TRPV3: variants seen among roughly 807,000 people sequenced by gnomAD.
The protein encoded by TRPV3 is transient receptor potential cation channel subfamily V member 3.
In TRPV3, 88 loss-of-function variants were observed where a neutral mutation model predicts 87.1. The ratio of observed to expected loss-of-function variants is 1.01; its 90% CI spans 0.85 to 1.21. The LOEUF is 1.21. Ranked by LOEUF, TRPV3 falls within the 50% of genes most tolerant of loss-of-function variation. The probability of loss-of-function intolerance (pLI) is 0.00; values close to 1 mark genes in which losing one functional copy is unlikely to be tolerated. For synonymous variants in TRPV3, 438 were observed against 423.3 expected (o/e 1.03, Z -0.43); for missense variants, 1,054 against 1,030.1 (o/e 1.02, Z -0.32).
chr17:3,531,656 C>A (rs1306758862), intron 8 of TRPV3, among the ~76,000 whole-genome samples: 1 of 152,208 alleles, frequency 6.6e-6, no homozygotes. Flanking sequence ...CAGTGGCACA[C>A]AGGGAAGACG....
At chr17:3,542,827 A>T (rs1315919342) in intron 5 of TRPV3, 129 bp from the exon 6 acceptor site, 1 of 946,460 alleles carries the variant, frequency 1.1e-6, no homozygotes, top group African/African-American at 1.7e-5. Flanking sequence ...CCCAGACCTT[A>T]CACTTGGCCG....
At chr17:3,519,690 TTGGATGGATGGATAGATGGA>T (rs1244528572) in intron 14 of TRPV3, among the ~76,000 whole-genome samples, 3 of 32,664 alleles carry the variant, frequency 9.2e-5, no homozygotes, top group African/African-American at 3.5e-4. Context: ...GGATGGATGA[TTGGATGGATGGATAGATGGA>T]TGGATGGATG....
chr17:3,547,953 G>T (rs760180585), intron 2 of TRPV3, among the ~76,000 whole-genome samples: 5 of 152,146 alleles, frequency 3.3e-5, no homozygotes, highest in African/African-American at 4.8e-5. Context: ...ACAATCACAC[G>T]CACAGAGAAG....
intron 1 of TRPV3, among the ~76,000 whole-genome samples, chr17:3,555,837 C>T (rs1285023236): frequency 6.6e-6 from 1 of 152,002 alleles, no homozygotes; most frequent in East Asian, 1.9e-4. Flanking sequence ...CAGCGAAAGC[C>T]ATGCGGGCAG....
chr17:3,539,382 G>A lies in TRPV3; in HGVS notation c.643+3140C>T, dbSNP rs190744776. Among the ~76,000 whole-genome samples the A allele has an allele frequency of 2.6e-5, 4 of 152,140 alleles. No individual in the cohort carries two copies. The East Asian group carries it at 7.7e-4, about 29-fold the overall frequency. On this transcript the variant is annotated intron_variant, in intron 6 of 17. Coordinates refer to ENST00000576742, the MANE Select transcript of TRPV3 (RefSeq NM_145068.4). ...ACGTGGATGTTGTTAGGCTGGGTGC[G>A]GTGGCTCACGCCTATAATCCCATCA... is the stretch of plus-strand genomic sequence containing the variant.
At chr17:3,519,980 G>GGATT (rs2074231987) in intron 14 of TRPV3, among the ~76,000 whole-genome samples, 1 of 107,468 alleles carries the variant, frequency 9.3e-6, no homozygotes, top group South Asian at 2.4e-4. Context: ...ATGATTGGAT[G>GGATT]GATGGATGGA....
At chr17:3,525,652 C>T (rs1468660570) in intron 12 of TRPV3, among the ~76,000 whole-genome samples, 1 of 149,742 alleles carries the variant, frequency 6.7e-6, no homozygotes, top group Admixed American at 6.7e-5. Flanking sequence ...TGTAGTCTCA[C>T]TCTGTCGCCC....
intron 2 of TRPV3, among the ~76,000 whole-genome samples, chr17:3,552,058 T>C (rs1313666406): frequency 1.4e-5 from 2 of 147,414 alleles, no homozygotes; most frequent in African/African-American, 2.6e-5. Flanking sequence ...AATTTTTGTA[T>C]TTTTTTTTAG....
At chr17:3,520,182 A>G (rs1302313201) in intron 14 of TRPV3, among the ~76,000 whole-genome samples, 1 of 152,220 alleles carries the variant, frequency 6.6e-6, no homozygotes, top group Non-Finnish European at 1.5e-5. Flanking sequence ...AGAAAAGAAA[A>G]AAAAGCAACT....
At chr17:3,539,197 A>C (rs9905897) in intron 6 of TRPV3, among the ~76,000 whole-genome samples, 152,127 of 152,140 alleles carry the variant, frequency 1, 76,057 homozygotes, top group Non-Finnish European at 1. Flanking sequence ...CAGTATGATA[A>C]TATTTTATGT....
intron 1 of TRPV3, among the ~76,000 whole-genome samples, chr17:3,555,642 G>C (rs111347063): frequency 3.9e-5 from 6 of 152,218 alleles, no homozygotes; most frequent in African/African-American, 1.4e-4. Context: ...GCTGAGCTCC[G>C]AGGGGTGTGG....
intron 16 of TRPV3, among the ~76,000 whole-genome samples, chr17:3,515,668 G>T (rs2074175554): frequency 7.1e-6 from 1 of 140,352 alleles, no homozygotes; most frequent in Admixed American, 7.5e-5. Flanking sequence ...AAAAGAAAAG[G>T]TGGTCATAGG....
At chr17:3,554,560 TG>T in intron 2 of TRPV3, 171 bp downstream of exon 2, 1 of 569,476 alleles carries the variant, frequency 1.8e-6, no homozygotes, top group South Asian at 2.3e-5. Context: ...CTGAGTGTGC[TG>T]TGCTCCCCAC....
At chr17:3,526,027 T>A (rs993823214) in intron 12 of TRPV3, among the ~76,000 whole-genome samples, 3 of 152,196 alleles carry the variant, frequency 2.0e-5, no homozygotes, top group African/African-American at 7.2e-5. Flanking sequence ...GACATCTGGA[T>A]AAAAACACTG....
chr17:3,549,489 A>G (rs1361560627), intron 2 of TRPV3, among the ~76,000 whole-genome samples: 1 of 152,262 alleles, frequency 6.6e-6, no homozygotes, highest in East Asian at 1.9e-4. Context: ...TTGATTCCCA[A>G]CACTGGTCCT....
chr17:3,530,244 G>C lies in TRPV3; in HGVS notation c.1066-41C>G. The C allele has an allele frequency of 2.5e-6, 4 of 1,582,094 alleles. No homozygotes were observed. The highest frequency in any genetic ancestry group is 3.4e-6 in the Non-Finnish European group (4 of 1,161,538). On this transcript the variant is annotated intron_variant, in intron 8 of 17. Coordinates refer to ENST00000576742, the MANE Select transcript of TRPV3 (RefSeq NM_145068.4). The surrounding 1 kb of genome is among the most constrained non-coding windows in gnomAD (Gnocchi z 4.0). ...GAACAACCATCAGCTGCAGAACAGG[G>C]GCTTAAGGCCAACAGGGCTGGACCA...
At chr17:3,545,025 T>C (rs1381369067) in intron 3 of TRPV3, 142 bp downstream of exon 3, 2 of 577,704 alleles carry the variant, frequency 3.5e-6, no homozygotes, top group African/African-American at 3.8e-5. Context: ...AAAAGATAAA[T>C]AATAATAATA....
Position 3,542,547 on chromosome 17 carries a change from G to C in TRPV3, c.618C>G (p.Ala206=), listed in dbSNP as rs763488237. ...CTTCATAGGCCTCCTCTGTGTACTCGGCGTTGATGAACCTGCCCAGGATGT... is the reference window on the plus strand; with the variant it reads ...CTTCATAGGCCTCCTCTGTGTACTCCGCGTTGATGAACCTGCCCAGGATGT... ...ENDILGRFIN[A]EYTEEAYEGQ... Residue 206 remains alanine (A), a synonymous_variant, in exon 6 of 18, where the codon GCC becomes GCG. Coordinates refer to ENST00000576742, the MANE Select transcript of TRPV3 (RefSeq NM_145068.4). 1.2e-6 allele frequency: 2 copies of C among 1,613,970 alleles called. No individual in the cohort carries two copies. The highest frequency in any genetic ancestry group is 1.1e-5 in the South Asian group (1 of 91,050).
At chr17:3,529,095 G>T in intron 9 of TRPV3, 100 bp from the exon 10 acceptor site, 1 of 1,354,622 alleles carries the variant, frequency 7.4e-7, no homozygotes. Context: ...CTGCAGAAGG[G>T]GCCCATCATT....
Sources: allele counts gnomAD v4.1 joint callset (sites outside exome capture counted in the v4.1 genomes callset), GRCh38; gene constraint gnomAD v4.1.1; non-coding constraint Gnocchi (gnomAD v3.1); transcripts MANE v1.5; gene names NCBI Gene and HGNC (gene_info 2026-07-23, HGNC 2026-07-21).